MEX3C: variants seen among roughly 807,000 people sequenced by gnomAD.
The protein encoded by MEX3C is RNA-binding E3 ubiquitin-protein ligase MEX3C.
MEX3C carries 15 observed loss-of-function variants against 35.5 expected under a neutral mutation model. The observed-to-expected ratio is 0.42, with a 90% CI of 0.28 to 0.65. MEX3C has a LOEUF of 0.65. Among genes scored for constraint, MEX3C ranks in the 30% least tolerant of loss-of-function variants. The pLI, the probability that MEX3C is intolerant of heterozygous loss-of-function variation, is 0.20. For missense variants in MEX3C, 711 were observed against 842.8 expected, an observed-to-expected ratio of 0.84 and a Z score of 1.94; for synonymous variants, 390 against 352.8, an observed-to-expected ratio of 1.11 and a Z score of -1.18.
At chr18:51,193,828 G>A (rs1018393898) in intron 1 of MEX3C, 1 of 152,200 alleles carries the variant, frequency 6.6e-6, no homozygotes, top group South Asian at 2.1e-4. Context: ...CTGGAACTCA[G>A]AGGCCATCTA....
intron 1 of MEX3C, among the ~76,000 whole-genome samples, chr18:51,192,395 C>T (rs575718722): frequency 6.6e-6 from 1 of 151,958 alleles, no homozygotes; most frequent in Admixed American, 6.6e-5. Flanking sequence ...AATTTTAAAG[C>T]CTAGAAAAAT....
chr18:51,186,100 A>G (rs1417645476), intron 1 of MEX3C, among the ~76,000 whole-genome samples: 1 of 152,162 alleles, frequency 6.6e-6, no homozygotes, highest in Non-Finnish European at 1.5e-5. Flanking sequence ...AGAGCATTTT[A>G]TCAATTGTGA....
In MEX3C at chr18:51,177,267, T is replaced by G; in HGVS notation, c.1064A>C (p.Gln355Pro). The G allele has an allele frequency of 6.2e-7, 1 of 1,614,056 alleles. No homozygotes were observed. Among genetic ancestry groups the G allele is most frequent in the Non-Finnish European group, 8.5e-7 (1 of 1,179,904 alleles). Residue 355 changes from glutamine to proline, a missense_variant, in exon 2 of 2, where the codon CAG becomes CCG. By Grantham distance (76) the Gln-to-Pro change is moderately conservative (BLOSUM62 -1). Transcript: ENST00000406189. This position sits in a 1 kb window ranked among gnomAD's most constrained non-coding sequence, Gnocchi z 4.2. Reference protein sequence around the residue: ...KGATIKRIQQQTHTYIVTPSR... With the variant: ...KGATIKRIQQPTHTYIVTPSR... ...CGGAGTTACTATGTAGGTGTGGGTC[T>G]GCTGCTGAATTCTTTTAATAGTTGC...
Position 51,175,270 on chromosome 18 carries a change from T to C in MEX3C, c.*1081A>G, listed in dbSNP as rs1444786380. 2 of 152,590 alleles carry C rather than the reference T, an allele frequency of 1.3e-5. No individual in the cohort carries two copies. The highest frequency in any genetic ancestry group is 2.9e-5 in the Non-Finnish European group (2 of 68,036). 9.5% of individuals were successfully genotyped at this position (152,590 alleles called of 1,614,324 possible). On this transcript the variant is annotated 3_prime_UTR_variant, in exon 2 of 2. Coordinates refer to ENST00000406189, the MANE Select transcript of MEX3C (RefSeq NM_016626.5). ...CAATGCCAGCACAGATTTGGGAACATACTGAGGATGAAGTTATAGACATCC... is the reference window on the plus strand; with the variant it reads ...CAATGCCAGCACAGATTTGGGAACACACTGAGGATGAAGTTATAGACATCC...
rs987563927 is a variant in MEX3C, at chr18:51,177,724, G to A, written c.755-148C>T. On this transcript the variant is annotated intron_variant, in intron 1 of 1. Transcript: ENST00000406189. This position sits in a 1 kb window ranked among gnomAD's most constrained non-coding sequence, Gnocchi z 4.2. The stretch of plus-strand genomic sequence containing the variant: ...ACATAGCTAGGAAGTGGCAGAGCCA[G>A]AAGTAAACCTAGTTTGACTTAAAAT... 2.4e-5 allele frequency: 21 copies of A among 892,948 alleles called. No individual in the cohort carries two copies. The highest frequency in any genetic ancestry group is 3.2e-5 in the Non-Finnish European group (20 of 618,980). The allele number at this position is 892,948 out of a possible 1,614,324, so 55.3% of individuals were successfully genotyped here.
chr18:51,179,527 G>A (rs1912381728), intron 1 of MEX3C, among the ~76,000 whole-genome samples: 1 of 150,776 alleles, frequency 6.6e-6, no homozygotes, highest in Non-Finnish European at 1.5e-5. Context: ...GCTCCAGTGA[G>A]TATTTTCTTT....
rs1199034218 is a variant in MEX3C at position 51,176,509 on chromosome 18, A to G, written c.1822T>C (p.Cys608Arg). Residue 608 changes from cysteine (C) to arginine (R), a missense_variant, in exon 2 of 2, where the codon TGT becomes CGT. Around this residue, in one of 4 missense-constraint regions of MEX3C, gnomAD observed 87 missense variants for 150.4 expected, o/e 0.58. Coordinates refer to ENST00000406189, the MANE Select transcript of MEX3C (RefSeq NM_016626.5). ...ACCTCATTCTCAAAGCAAATCACAC[A>G]GTCGTGCTTTCGTCTTGATTCTGGA... ...SPPESRRKHD[C>R]VICFENEVIA... 1 of 1,613,904 alleles carries G rather than the reference A, an allele frequency of 6.2e-7. No individual in the cohort carries two copies.
intron 1 of MEX3C, among the ~76,000 whole-genome samples, chr18:51,191,943 A>G (rs1912659769): frequency 6.6e-6 from 1 of 152,338 alleles, no homozygotes; most frequent in Non-Finnish European, 1.5e-5. Flanking sequence ...CATATTGTAT[A>G]AGCTACGATA....
intron 1 of MEX3C, among the ~76,000 whole-genome samples, chr18:51,181,659 A>C (rs1006041768): frequency 6.6e-6 from 1 of 152,232 alleles, no homozygotes; most frequent in Admixed American, 6.5e-5. Flanking sequence ...CACAAGTGCA[A>C]AATAACTTCT....
At chr18:51,181,329 C>T (rs1912425382) in intron 1 of MEX3C, among the ~76,000 whole-genome samples, 1 of 129,032 alleles carries the variant, frequency 7.8e-6, no homozygotes, top group Non-Finnish European at 1.9e-5. Context: ...CACGCATGCA[C>T]ACACACATCT....
chr18:51,175,018 A>C lies in MEX3C; in HGVS notation c.*1333T>G, dbSNP rs1344987218. On this transcript the variant is annotated 3_prime_UTR_variant, in exon 2 of 2. Coordinates refer to ENST00000406189, the MANE Select transcript of MEX3C (RefSeq NM_016626.5). ...TACATCATAATATGCCATCAAGGCA[A>C]CTTTTTTTATACTGAAAAAATCAAA... 1 of 152,670 alleles carries C rather than the reference A, an allele frequency of 6.6e-6. No homozygotes were observed. Among genetic ancestry groups the C allele is most frequent in the African/African-American group, 2.4e-5 (1 of 41,466 alleles). 9.5% of individuals were successfully genotyped at this position (152,670 alleles called of 1,614,324 possible).
chr18:51,188,041 G>C (rs1258343349), intron 1 of MEX3C, among the ~76,000 whole-genome samples: 1 of 152,142 alleles, frequency 6.6e-6, no homozygotes, highest in Non-Finnish European at 1.5e-5. Flanking sequence ...AATAATTTAA[G>C]AATGCAATGT....
chr18:51,182,296 G>A (rs145770738), intron 1 of MEX3C, among the ~76,000 whole-genome samples: 1 of 152,074 alleles, frequency 6.6e-6, no homozygotes, highest in Admixed American at 6.6e-5. Flanking sequence ...GTTGGATAAG[G>A]GGGGGACTAC....
chr18:51,196,412 T>C, intron 1 of MEX3C, 155 bp downstream of exon 1: 1 of 1,409,238 alleles, frequency 7.1e-7, no homozygotes, highest in African/African-American at 1.5e-5. Flanking sequence ...TGACCCATCT[T>C]CACATCTGGT....
Position 51,176,315 on chromosome 18 carries a change from C to A in MEX3C, c.*36G>T. ...CATTATACCCATGCCTTTACGAGTC[C>A]ATATAGAGATATAGTATTTATGTAT... On this transcript the variant is annotated 3_prime_UTR_variant, in exon 2 of 2. Transcript: ENST00000406189. 6.5e-7 allele frequency: 1 copy of A among 1,531,584 alleles called. No homozygotes were observed. Among genetic ancestry groups the A allele is most frequent in the East Asian group, 2.4e-5 (1 of 42,080 alleles). 94.9% of individuals were successfully genotyped at this position (1,531,584 alleles called of 1,614,324 possible).
Position 51,177,030 on chromosome 18 carries a change from C to T in MEX3C, c.1301G>A (p.Ser434Asn). The T allele has an allele frequency of 6.2e-7, 1 of 1,613,988 alleles. No homozygotes were observed. Among genetic ancestry groups the T allele is most frequent in the South Asian group, 1.1e-5 (1 of 91,090 alleles). Residue 434 changes from serine (S) to asparagine (N), a missense_variant, in exon 2 of 2, where the codon AGC (serine) becomes AAC (asparagine). Ser to Asn is a conservative substitution (Grantham distance 46). This residue lies in a region of MEX3C where 187 missense variants were observed against 201.7 expected (regional missense o/e 0.93). Transcript: ENST00000406189. This position sits in a 1 kb window ranked among gnomAD's most constrained non-coding sequence, Gnocchi z 4.2. ...AWLSSNPVPPSRARMISNYRN... is the reference protein window; with the variant it reads ...AWLSSNPVPPNRARMISNYRN... The stretch of plus-strand genomic sequence containing the variant: ...ATAATTGGATATCATTCTTGCGCGG[C>T]TAGGAGGAACAGGATTGGAGGAGAG...
Position 51,177,533 on chromosome 18 carries a change from G to A in MEX3C, c.798C>T (p.Ile266=), listed in dbSNP as rs1436397742. ...GCTCTTCACCACGAACAGGAGTCTTGATATACGTGTTTGTCTTGGCTCTCA... is the reference window on the plus strand; with the variant it reads ...GCTCTTCACCACGAACAGGAGTCTTAATATACGTGTTTGTCTTGGCTCTCA... ...KALRAKTNTY[I]KTPVRGEEPI... The change falls in exon 2 of 2, where the codon ATC becomes ATT. Residue 266 remains isoleucine (I), a synonymous_variant. Transcript: ENST00000406189. The surrounding 1 kb of genome is among the most constrained non-coding windows in gnomAD (Gnocchi z 4.2). 2 of 1,612,094 alleles carry A rather than the reference G, an allele frequency of 1.2e-6. No individual in the cohort carries two copies. Among genetic ancestry groups the A allele is most frequent in the African/African-American group, 2.7e-5 (2 of 74,786 alleles).
At chr18:51,196,421 G>A (rs1407153236) in intron 1 of MEX3C, 146 bp downstream of exon 1, 6 of 1,416,778 alleles carry the variant, frequency 4.2e-6, no homozygotes, top group East Asian at 2.7e-5. Context: ...TTCACATCTG[G>A]TCGACCCTCG....
intron 1 of MEX3C, chr18:51,195,149 A>G (rs1912747987): frequency 2.0e-5 from 3 of 152,236 alleles, no homozygotes; most frequent in Non-Finnish European, 4.4e-5. Flanking sequence ...ATGAATGGTC[A>G]ACTCATTCTG....
Sources: gnomAD v4.1 joint callset for allele counts (sites outside exome capture counted in the v4.1 genomes callset) on GRCh38, gnomAD v4.1.1 for gene constraint, gnomAD v4.1.1 regional missense constraint, Gnocchi (gnomAD v3.1) non-coding constraint, MANE v1.5 for transcripts, NCBI Gene and HGNC (gene_info 2026-07-23, HGNC 2026-07-21) for gene names.